UBAP2: variants seen among roughly 807,000 people sequenced by gnomAD.
The protein encoded by UBAP2 is ubiquitin-associated protein 2.
A neutral mutation model predicts 139.6 loss-of-function variants in UBAP2; 75 were observed. That is an observed-to-expected ratio of 0.54 (90% confidence interval 0.45 to 0.65). The LOEUF is 0.65. Among genes scored for constraint, UBAP2 ranks in the 30% least tolerant of loss-of-function variants. The pLI is 0.00. For synonymous variants in UBAP2, 526 were observed against 526.2 expected (o/e 1.00, Z 0.01); for missense variants, 1,368 against 1,369.6 (o/e 1.00, Z 0.02).
chr9:33,957,913 C>T (rs1380612457), intron 10 of UBAP2, among the ~76,000 whole-genome samples: 1 of 152,042 alleles, frequency 6.6e-6, no homozygotes, highest in African/African-American at 2.4e-5. Context: ...CAAGAAGGGC[C>T]TAAGTTGCAT....
chr9:33,949,080 T>A (rs1825879343), intron 12 of UBAP2: 1 of 154,770 alleles, frequency 6.5e-6, no homozygotes, highest in Non-Finnish European at 1.4e-5. Flanking sequence ...GGCAGGAGAA[T>A]GGCATGAACC....
chr9:33,990,214 G>C (rs1050432319), intron 4 of UBAP2, among the ~76,000 whole-genome samples: 1 of 151,984 alleles, frequency 6.6e-6, no homozygotes, highest in Admixed American at 6.6e-5. Flanking sequence ...ATTTCAGAAG[G>C]GACTGGAAAT....
At position 33,935,863 on chromosome 9, in the gene UBAP2, C is replaced by T; in HGVS notation, c.1945G>A (p.Gly649Ser). The T allele has an allele frequency of 6.2e-7, 1 of 1,613,600 alleles. No homozygotes were observed. Among genetic ancestry groups the T allele is most frequent in the Non-Finnish European group, 8.5e-7 (1 of 1,179,916 alleles). Residue 649 changes from glycine to serine, a missense_variant, in exon 17 of 29, where the codon GGT becomes AGT. Gly to Ser is a moderately conservative substitution (Grantham distance 56). Coordinates refer to ENST00000379238, the MANE Select transcript of UBAP2 (RefSeq NM_001370062.2). ...CTGTCTAGTGTCTGCTGACTTCGAC[C>T]ACCACCATGTCCATTCTATAAGGAA... Reference protein sequence around the residue: ...PGTIMNGHGGGRSQQTLDTPK... With the variant: ...PGTIMNGHGGSRSQQTLDTPK...
chr9:33,975,197 C>T (rs1302863195), intron 6 of UBAP2, among the ~76,000 whole-genome samples: 1 of 151,392 alleles, frequency 6.6e-6, no homozygotes, highest in Non-Finnish European at 1.5e-5. Context: ...TTTGGGAGGC[C>T]GAGGCAGGCA....
rs1173781682 is a variant in UBAP2 at position 33,980,220 on chromosome 9, C to CTTTTTTTTTTTTTTTTTTT, written c.520+6521_520+6539dup. On this transcript the variant is annotated intron_variant, in intron 6 of 28. Coordinates refer to ENST00000379238, the MANE Select transcript of UBAP2 (RefSeq NM_001370062.2). ...TTAATCCAAATCCTGAGTGTCATTT[C>CTTTTTTTTTTTTTTTTTTT]TTTTTTTTTTTTTTTTTTTTTTTTT... Among the ~76,000 whole-genome samples the CTTTTTTTTTTTTTTTTTTT allele has an allele frequency of 9.6e-4, 47 of 49,134 alleles. 16 individuals carry two copies. Among genetic ancestry groups the CTTTTTTTTTTTTTTTTTTT allele is most frequent in the South Asian group, 2.0e-3 (2 of 1,002 alleles). 32.2% of individuals were successfully genotyped at this position (49,134 alleles called of 152,430 possible). A position where few individuals can be genotyped will look rare whatever the true frequency, so the allele number is the denominator to read the frequency against.
chr9:33,964,004 A>C (rs1211994680), intron 8 of UBAP2, among the ~76,000 whole-genome samples: 2 of 152,162 alleles, frequency 1.3e-5, no homozygotes, highest in African/African-American at 4.8e-5. Flanking sequence ...CACTTCAATT[A>C]TTCTCATTCT....
At chr9:34,027,290 G>C (rs1393682252) in intron 1 of UBAP2, among the ~76,000 whole-genome samples, 1 of 151,680 alleles carries the variant, frequency 6.6e-6, no homozygotes, top group African/African-American at 2.4e-5. Flanking sequence ...AGATGAGCCT[G>C]GCCAACATAG....
At chr9:34,048,610 G>C (rs1023717360) in intron 1 of UBAP2, among the ~76,000 whole-genome samples, 4 of 152,126 alleles carry the variant, frequency 2.6e-5, no homozygotes, top group Non-Finnish European at 4.4e-5. Context: ...AGAAGCACAG[G>C]GCAACGTGAG....
At chr9:33,963,820 A>C (rs747372316) in intron 8 of UBAP2, 29 bp from the exon 9 acceptor site, 6 of 1,513,538 alleles carry the variant, frequency 4.0e-6, no homozygotes, top group Non-Finnish European at 5.5e-6. Context: ...TTGAGGGTTT[A>C]AACATATGAA....
At chr9:34,047,790 G>C (rs1380444058) in intron 1 of UBAP2, among the ~76,000 whole-genome samples, 1 of 152,138 alleles carries the variant, frequency 6.6e-6, no homozygotes, top group African/African-American at 2.4e-5. Context: ...GGCCAGCCTG[G>C]GCAACATATG....
intron 13 of UBAP2, among the ~76,000 whole-genome samples, chr9:33,945,528 C>T (rs1449126723): frequency 6.6e-6 from 1 of 152,060 alleles, no homozygotes; most frequent in South Asian, 2.1e-4. Flanking sequence ...CCAATAGATA[C>T]AAGAATATGT....
At chr9:33,943,396 A>G (rs1479506280) in intron 15 of UBAP2, 24 bp downstream of exon 15, 3 of 1,611,796 alleles carry the variant, frequency 1.9e-6, no homozygotes, top group African/African-American at 1.3e-5. Context: ...ATTTTGCTTC[A>G]TAACAAAGGA....
At chr9:33,982,813 C>G (rs950694678) in intron 6 of UBAP2, among the ~76,000 whole-genome samples, 1 of 151,950 alleles carries the variant, frequency 6.6e-6, no homozygotes, top group Non-Finnish European at 1.5e-5. Context: ...AATAACAGTA[C>G]CCATCCTAAC....
chr9:33,974,348 A>T (rs1298885413), intron 6 of UBAP2, among the ~76,000 whole-genome samples: 24 of 152,154 alleles, frequency 1.6e-4, no homozygotes, highest in Admixed American at 6.5e-5. Flanking sequence ...CTCTACAAAA[A>T]ATACAAATAT....
intron 15 of UBAP2, 24 bp from the exon 16 acceptor site, chr9:33,941,886 A>C: frequency 1.3e-6 from 2 of 1,569,216 alleles, no homozygotes; most frequent in South Asian, 1.1e-5. Flanking sequence ...AAAATATTCA[A>C]CATAATTTTG....
intron 1 of UBAP2, among the ~76,000 whole-genome samples, chr9:34,029,136 T>G (rs1242078735): frequency 2.6e-5 from 4 of 152,112 alleles, no homozygotes. Context: ...AAAAAAACTC[T>G]TAACAGTTCC....
At chr9:33,999,442 T>G (rs1822497601) in intron 2 of UBAP2, among the ~76,000 whole-genome samples, 1 of 152,172 alleles carries the variant, frequency 6.6e-6, no homozygotes, top group African/African-American at 2.4e-5. Context: ...GCTTAGAACT[T>G]TGTGTCAAAA....
intron 1 of UBAP2, among the ~76,000 whole-genome samples, chr9:34,044,164 G>A (rs1437512395): frequency 6.0e-5 from 9 of 150,072 alleles, no homozygotes; most frequent in East Asian, 2.0e-4. Flanking sequence ...TTGGGAGGCC[G>A]AGGCGGGCAG....
intron 2 of UBAP2, among the ~76,000 whole-genome samples, chr9:34,011,115 ATG>A (rs1245086046): frequency 1.8e-4 from 27 of 152,294 alleles, no homozygotes; most frequent in African/African-American, 6.5e-4. Flanking sequence ...CAAGCACTTG[ATG>A]GGTGAAAGAA....
Sources: gnomAD v4.1 joint callset for allele counts (sites outside exome capture counted in the v4.1 genomes callset) on GRCh38, gnomAD v4.1.1 for gene constraint, MANE v1.5 for transcripts, NCBI Gene and HGNC (gene_info 2026-07-23, HGNC 2026-07-21) for gene names.